BICD2: variants seen among roughly 807,000 people sequenced by gnomAD.
BICD2 encodes the protein protein bicaudal D homolog 2.
Under a neutral mutation model 72.9 loss-of-function variants are expected in BICD2, and 25 were observed. The ratio of observed to expected loss-of-function variants is 0.34; its 90% CI spans 0.25 to 0.48. The LOEUF (loss-of-function observed/expected upper bound fraction) is 0.48. Ranked by LOEUF, BICD2 falls within the 20% of genes least tolerant of loss-of-function variation. The probability of loss-of-function intolerance (pLI) is 0.99; values close to 1 mark genes in which losing one functional copy is unlikely to be tolerated. For synonymous variants in BICD2, 501 were observed against 516.1 expected, an observed-to-expected ratio of 0.97 and a Z score of 0.40; for missense variants, 894 against 1,175.2, an observed-to-expected ratio of 0.76 and a Z score of 3.50.
chr9:92,712,077 CCCTACTGCGCATGCCA>C lies in BICD2; in HGVS notation c.*3061_*3076del, dbSNP rs1853205717. On this transcript the variant is annotated 3_prime_UTR_variant, in exon 7 of 7. Coordinates refer to ENST00000356884, the MANE Select transcript of BICD2 (RefSeq NM_001003800.2). ...AAGAATACTATGGCTAACCCTCATC[CCCTACTGCGCATGCCA>C]ACACAGCGTCGGCCCTCCTGATACC... 1 of 152,578 alleles carries C rather than the reference CCCTACTGCGCATGCCA, an allele frequency of 6.6e-6. No homozygotes were observed. The allele number at this position is 152,578 out of a possible 1,614,324, so 9.5% of individuals were successfully genotyped here.
In BICD2 at chr9:92,720,911, C is replaced by T. The variant is rs954292423; in HGVS notation, c.607-156G>A. Among the ~76,000 whole-genome samples the T allele has an allele frequency of 6.6e-6, 1 of 152,136 alleles. No homozygotes were observed. Among genetic ancestry groups the T allele is most frequent in the African/African-American group, 2.4e-5 (1 of 41,420 alleles). On this transcript the variant is annotated intron_variant, in intron 3 of 6. Transcript: ENST00000356884. The surrounding 1 kb of genome is among the most constrained non-coding windows in gnomAD (Gnocchi z 5.4). Reference sequence around the variant, plus strand: ...TGCCATCCTGGGAAGGGTGGCAGCCCGTCCAGGCCAAGACTGCTTCCTCTG... The same window carrying T: ...TGCCATCCTGGGAAGGGTGGCAGCCTGTCCAGGCCAAGACTGCTTCCTCTG...
chr9:92,738,781 T>G (rs145362683), intron 1 of BICD2, among the ~76,000 whole-genome samples: 2,562 of 152,310 alleles, frequency 0.017, 26 homozygotes, highest in Middle Eastern at 0.054. Flanking sequence ...TAAACCAGTT[T>G]GGCCATCTGA....
chr9:92,714,800 G>A lies in BICD2; in HGVS notation c.*354C>T, dbSNP rs928397495. The stretch of plus-strand genomic sequence containing the variant: ...AACTCAGGTTCTGCCCCTTTTGGGT[G>A]CTGAGGGAGCAGGACCAGGACTCCT... On this transcript the variant is annotated 3_prime_UTR_variant, in exon 7 of 7. Coordinates refer to ENST00000356884, the MANE Select transcript of BICD2 (RefSeq NM_001003800.2). 1.9e-6 allele frequency: 2 copies of A among 1,048,070 alleles called. No homozygotes were observed. Among genetic ancestry groups the A allele is most frequent in the Non-Finnish European group, 2.3e-6 (2 of 871,094 alleles). 64.9% of individuals were successfully genotyped at this position (1,048,070 alleles called of 1,614,324 possible).
In BICD2 at chr9:92,717,815, C is replaced by T. The variant is rs878944571; in HGVS notation, c.2240G>A (p.Arg747His). Residue 747 changes from arginine (R) to histidine (H), a missense_variant, in exon 6 of 7, where the codon CGT becomes CAT. Transcript: ENST00000356884. ...KEDAATFSSLRAMFATRCDEY... is the reference protein window; with the variant it reads ...KEDAATFSSLHAMFATRCDEY... ...CGGTTACCTGGTGGCAAACATAGCA[C>T]GCAGCGAGGAGAAGGTGGCTGCGTC... is the stretch of plus-strand genomic sequence containing the variant. The T allele has an allele frequency of 6.2e-7, 1 of 1,610,940 alleles. No homozygotes were observed. The highest frequency in any genetic ancestry group is 1.3e-5 in the African/African-American group (1 of 74,784).
In BICD2 at chr9:92,720,512, T is replaced by C; in HGVS notation, c.850A>G (p.Lys284Glu). The C allele has an allele frequency of 1.2e-6, 2 of 1,614,188 alleles. No individual in the cohort carries two copies. The highest frequency in any genetic ancestry group is 8.5e-7 in the Non-Finnish European group (1 of 1,180,022). ...GGCTCGGCAGCATCGTCACTGAACTTGAGGCCATCCAGCGAGACATGCAGG... is the reference window on the plus strand; with the variant it reads ...GGCTCGGCAGCATCGTCACTGAACTCGAGGCCATCCAGCGAGACATGCAGG... Reference protein sequence around the residue: ...SHLHVSLDGLKFSDDAAEPNN... With the variant: ...SHLHVSLDGLEFSDDAAEPNN... Residue 284 changes from lysine (K) to glutamate (E), a missense_variant, in exon 4 of 7, where the codon AAG (lysine) becomes GAG (glutamate). Lys to Glu is a moderately conservative substitution (Grantham distance 56, BLOSUM62 1). Coordinates refer to ENST00000356884, the MANE Select transcript of BICD2 (RefSeq NM_001003800.2). This position sits in a 1 kb window ranked among gnomAD's most constrained non-coding sequence, Gnocchi z 5.4.
chr9:92,755,728 A>G (rs552388173), intron 1 of BICD2, among the ~76,000 whole-genome samples: 1 of 152,098 alleles, frequency 6.6e-6, no homozygotes, highest in South Asian at 2.1e-4. Flanking sequence ...CAGCCCTTAC[A>G]CCCCAGCATG....
At position 92,714,962 on chromosome 9, in the gene BICD2, C is replaced by A. The variant is rs1198257570; in HGVS notation, c.*192G>T. On this transcript the variant is annotated 3_prime_UTR_variant, in exon 7 of 7. Coordinates refer to ENST00000356884, the MANE Select transcript of BICD2 (RefSeq NM_001003800.2). Reference sequence around the variant, plus strand: ...TGAGGACTGGGTGCTCCTGAGGGGGCTTTGAGGAGTGAGAAGCGACACAAA... The same window carrying A: ...TGAGGACTGGGTGCTCCTGAGGGGGATTTGAGGAGTGAGAAGCGACACAAA... 4.3e-6 allele frequency: 6 copies of A among 1,399,028 alleles called. No individual in the cohort carries two copies. In the East Asian group the frequency reaches 1.3e-4, roughly 31 times the overall value. 86.7% of individuals were successfully genotyped at this position (1,399,028 alleles called of 1,614,324 possible).
rs547639991 is a variant in BICD2, at chr9:92,755,594, G to A, written c.240+8911C>T. On this transcript the variant is annotated intron_variant, in intron 1 of 6. Transcript: ENST00000356884. ...TGTCCCTTTATTTCTCAAGCTGGCC[G>A]ACACTTAAGGAAAATGAAAAGAACT... 6.7e-4 allele frequency among the ~76,000 whole-genome samples: 102 copies of A among 152,228 alleles called. 1 individual carries two copies. In the Middle Eastern group the frequency reaches 0.01, roughly 15 times the overall value.
At position 92,715,129 on chromosome 9, in the gene BICD2, T is replaced by G; in HGVS notation, c.*25A>C. ...TAGTTGAGGTGAAGCAGATGTTAGCTGCAGCGTGCGGCGCCCCACAGCCCC... is the reference window on the plus strand; with the variant it reads ...TAGTTGAGGTGAAGCAGATGTTAGCGGCAGCGTGCGGCGCCCCACAGCCCC... On this transcript the variant is annotated 3_prime_UTR_variant, in exon 7 of 7. Coordinates refer to ENST00000356884, the MANE Select transcript of BICD2 (RefSeq NM_001003800.2). 1 of 1,543,914 alleles carries G rather than the reference T, an allele frequency of 6.5e-7. No individual in the cohort carries two copies. Among genetic ancestry groups the G allele is most frequent in the Non-Finnish European group, 8.8e-7 (1 of 1,141,566 alleles).
At chr9:92,731,950 AG>A (rs1853687737) in intron 1 of BICD2, among the ~76,000 whole-genome samples, 1 of 152,252 alleles carries the variant, frequency 6.6e-6, no homozygotes, top group Non-Finnish European at 1.5e-5. Context: ...GATACCACAG[AG>A]CAAAGCATAA....
rs553734776 is a variant in BICD2 at position 92,752,605 on chromosome 9, T to TA, written c.240+11899dup. On this transcript the variant is annotated intron_variant, in intron 1 of 6. Coordinates refer to ENST00000356884, the MANE Select transcript of BICD2 (RefSeq NM_001003800.2). ...CAACATAATGAGACCATGTACCTAC[T>TA]AAAAAAATCAAAAAATTAGCTAGGG... Among the ~76,000 whole-genome samples, 9 of 152,042 alleles carry TA rather than the reference T, an allele frequency of 5.9e-5. No individual in the cohort carries two copies. The South Asian group carries it at 6.2e-4, about 11-fold the overall frequency.
intron 1 of BICD2, among the ~76,000 whole-genome samples, chr9:92,737,031 G>T (rs2131517553): frequency 6.6e-6 from 1 of 152,224 alleles, no homozygotes; most frequent in South Asian, 2.1e-4. Flanking sequence ...GGCAGGCCAG[G>T]TCCCAGGGGT....
At chr9:92,743,355 CT>C (rs34165468) in intron 1 of BICD2, among the ~76,000 whole-genome samples, 1,254 of 112,214 alleles carry the variant, frequency 0.011, 27 homozygotes, top group East Asian at 0.11. Flanking sequence ...ACCATGCCAG[CT>C]TTTTTTTTTT....
At position 92,720,297 on chromosome 9, in the gene BICD2, C is replaced by T. The variant is rs755156975; in HGVS notation, c.1062+3G>A. On this transcript the variant is annotated splice_donor_region_variant and intron_variant, in intron 4 of 6. Coordinates refer to ENST00000356884, the MANE Select transcript of BICD2 (RefSeq NM_001003800.2). This position sits in a 1 kb window ranked among gnomAD's most constrained non-coding sequence, Gnocchi z 5.4. ...CGTGCCGAAGGCCCCACTGCCTGCTCACCTGCATCAGCTGCTGCTTCAGCT... is the reference window on the plus strand; with the variant it reads ...CGTGCCGAAGGCCCCACTGCCTGCTTACCTGCATCAGCTGCTGCTTCAGCT... 1.2e-6 allele frequency: 2 copies of T among 1,605,420 alleles called. No individual in the cohort carries two copies. The highest frequency in any genetic ancestry group is 1.1e-5 in the South Asian group (1 of 89,938).
intron 1 of BICD2, among the ~76,000 whole-genome samples, chr9:92,750,446 G>A (rs1287691809): frequency 2.9e-5 from 4 of 136,254 alleles, no homozygotes; most frequent in African/African-American, 1.0e-4. Context: ...ATATTATTGT[G>A]ATTTAAGAAA....
chr9:92,744,918 C>T (rs1212461442), intron 1 of BICD2, among the ~76,000 whole-genome samples: 1 of 152,120 alleles, frequency 6.6e-6, no homozygotes, highest in Non-Finnish European at 1.5e-5. Context: ...CCAACATACA[C>T]ACATGCACTT....
chr9:92,752,879 C>T (rs1170094987), intron 1 of BICD2, among the ~76,000 whole-genome samples: 1 of 152,164 alleles, frequency 6.6e-6, no homozygotes, highest in African/African-American at 2.4e-5. Flanking sequence ...GCACCCTGCC[C>T]TCAAAGAGGT....
intron 1 of BICD2, among the ~76,000 whole-genome samples, chr9:92,760,663 C>T (rs961245529): frequency 6.6e-5 from 10 of 152,142 alleles, no homozygotes; most frequent in Non-Finnish European, 2.9e-5. Flanking sequence ...TCTTTGGATG[C>T]CTATAGCTGC....
At position 92,764,603 on chromosome 9, in the gene BICD2, G is replaced by C; in HGVS notation, c.142C>G (p.Leu48Val). ...REKIQAAEYG[L>V]AVLEEKHQLK... Reference sequence around the variant, plus strand: ...TGGTGCTTCTCCTCGAGCACCGCCAGCCCGTACTCGGCCGCCTGGATCTTC... The same window carrying C: ...TGGTGCTTCTCCTCGAGCACCGCCACCCCGTACTCGGCCGCCTGGATCTTC... The change falls in exon 1 of 7, where the codon CTG becomes GTG. Residue 48 changes from leucine (L) to valine (V), a missense_variant. Physicochemically the swap from Leu to Val is conservative, Grantham distance 32. Around this residue, in one of 5 missense-constraint regions of BICD2, gnomAD observed 192 missense variants for 243.6 expected, o/e 0.79. Transcript: ENST00000356884. This position sits in a 1 kb window ranked among gnomAD's most constrained non-coding sequence, Gnocchi z 5.5. 6.3e-7 allele frequency: 1 copy of C among 1,586,692 alleles called. No homozygotes were observed. Among genetic ancestry groups the C allele is most frequent in the Non-Finnish European group, 8.6e-7 (1 of 1,167,836 alleles).
Sources: allele counts gnomAD v4.1 joint callset (sites outside exome capture counted in the v4.1 genomes callset), GRCh38; gene constraint gnomAD v4.1.1; regional missense constraint gnomAD v4.1.1; non-coding constraint Gnocchi (gnomAD v3.1); transcripts MANE v1.5; gene names NCBI Gene and HGNC (gene_info 2026-07-23, HGNC 2026-07-21).